The following CSGALNACT1 variants were observed in gnomAD, a reference collection of about 807,000 sequenced individuals.
The protein encoded by CSGALNACT1 is chondroitin sulfate N-acetylgalactosaminyltransferase 1, also known as beta4GalNAcT-1.
A neutral mutation model predicts 51.0 loss-of-function variants in CSGALNACT1; 52 were observed. The ratio of observed to expected loss-of-function variants is 1.02; its 90% CI spans 0.82 to 1.29. CSGALNACT1 has a LOEUF of 1.29. Among genes scored for constraint, CSGALNACT1 ranks in the 50% most tolerant of loss-of-function variants. The probability of loss-of-function intolerance (pLI) is 0.00; values close to 1 mark genes in which losing one functional copy is unlikely to be tolerated. For synonymous variants in CSGALNACT1, 341 were observed against 254.4 expected (o/e 1.34, Z -3.24); for missense variants, 935 against 679.2 (o/e 1.38, Z -4.19).
intron 8 of CSGALNACT1, among the ~76,000 whole-genome samples, chr8:19,409,070 C>T (rs1425725855): frequency 5.3e-5 from 8 of 152,134 alleles, no homozygotes; most frequent in East Asian, 1.9e-4. Flanking sequence ...CAGCGAGAAT[C>T]GGAGGCTTGG....
chr8:19,500,939 C>A (rs2076305198), intron 4 of CSGALNACT1, among the ~76,000 whole-genome samples: 1 of 152,236 alleles, frequency 6.6e-6, no homozygotes, highest in Non-Finnish European at 1.5e-5. Flanking sequence ...AATGCAGTGT[C>A]CTCCCAGGAT....
intron 4 of CSGALNACT1, among the ~76,000 whole-genome samples, chr8:19,459,586 C>A (rs1024380944): frequency 1.3e-5 from 2 of 151,982 alleles, no homozygotes; most frequent in East Asian, 3.9e-4. Context: ...AGTTTCATAT[C>A]TTCCTTCCCA....
At chr8:19,684,991 G>A (rs879261337), upstream of CSGALNACT1, among the ~76,000 whole-genome samples, 3 of 152,152 alleles carry the variant, frequency 2.0e-5, no homozygotes, top group Non-Finnish European at 4.4e-5. Context: ...CACAGATTTT[G>A]CCCTCAATCT....
At position 19,505,340 on chromosome 8, in the gene CSGALNACT1, GC is replaced by G; in HGVS notation, c.494del (p.Arg165ProfsTer8). ...TCCTCACAGGCTTCTCCTCGGGGTG[GC>G]GGGTAAGGCCAGTCTCCAGCTGGTA... On this transcript the variant is annotated frameshift_variant, in exon 4 of 10. Transcript: ENST00000454498. LOFTEE classifies it high-confidence loss of function. 6.2e-7 allele frequency: 1 copy of G among 1,614,192 alleles called. No individual in the cohort carries two copies. The highest frequency in any genetic ancestry group is 8.5e-7 in the Non-Finnish European group (1 of 1,180,026).
chr8:19,580,346 G>T (rs1168563051), intron 3 of CSGALNACT1, among the ~76,000 whole-genome samples: 1 of 152,226 alleles, frequency 6.6e-6, no homozygotes, highest in Non-Finnish European at 1.5e-5. Context: ...ACGCTAAGCT[G>T]ACTTTATGAC....
intron 6 of CSGALNACT1, among the ~76,000 whole-genome samples, chr8:19,439,432 C>T (rs569488443): frequency 6.6e-6 from 1 of 152,348 alleles, no homozygotes; most frequent in East Asian, 1.9e-4. Context: ...CACTCTTAGG[C>T]TCTGAAGCTG....
intron 1 of CSGALNACT1, among the ~76,000 whole-genome samples, chr8:19,716,612 CA>C (rs60464594): frequency 3.3e-4 from 14 of 41,988 alleles, no homozygotes; most frequent in South Asian, 1.5e-3. Context: ...ACCCTCTCTA[CA>C]AAAAAAAAAA....
At chr8:19,543,405 G>C (rs1220592929) in intron 3 of CSGALNACT1, among the ~76,000 whole-genome samples, 1 of 152,216 alleles carries the variant, frequency 6.6e-6, no homozygotes, top group African/African-American at 2.4e-5. Flanking sequence ...CTTGTAAAAA[G>C]TTCTCTATAC....
exon 10 of CSGALNACT1, chr8:19,404,430 A>AAAAAAC: frequency 2.2e-6 from 1 of 453,296 alleles, no homozygotes; most frequent in South Asian, 1.6e-5. Flanking sequence ...AACTGTATTT[A>AAAAAAC]TTTTTAAAAA....
chr8:19,505,089 C>A (rs574997181), intron 4 of CSGALNACT1, 112 bp downstream of exon 3: 2 of 1,192,274 alleles, frequency 1.7e-6, no homozygotes, highest in Admixed American at 3.4e-5. Context: ...TAAAACTTTC[C>A]GCCAGCCATC....
chr8:19,649,842 A>AAAAAAAAAAAAAAC (rs2057638529), intron 1 of CSGALNACT1, among the ~76,000 whole-genome samples: 1 of 148,950 alleles, frequency 6.7e-6, no homozygotes, highest in Non-Finnish European at 1.5e-5. Flanking sequence ...AAAAAAAAAA[A>AAAAAAAAAAAAAAC]AAACCACGGG....
chr8:19,414,033 C>T (rs2056400096), intron 8 of CSGALNACT1, among the ~76,000 whole-genome samples: 1 of 152,192 alleles, frequency 6.6e-6, no homozygotes, highest in Non-Finnish European at 1.5e-5. Context: ...CACCAGCTCA[C>T]AAGGATTGGA....
At chr8:19,468,582 G>C (rs575685663) in intron 4 of CSGALNACT1, among the ~76,000 whole-genome samples, 36 of 152,224 alleles carry the variant, frequency 2.4e-4, no homozygotes, top group African/African-American at 7.5e-4. Context: ...AAAGAACCAC[G>C]ATGGTTTAGC....
intron 4 of CSGALNACT1, among the ~76,000 whole-genome samples, chr8:19,470,219 T>A (rs11777593): frequency 0.2 from 30,362 of 151,936 alleles, 3,223 homozygotes; most frequent in African/African-American, 0.23. Flanking sequence ...AGGCTAGGGA[T>A]ACAAATAGAG....
chr8:19,453,651 C>G (rs1012301226), intron 5 of CSGALNACT1, among the ~76,000 whole-genome samples: 2 of 152,194 alleles, frequency 1.3e-5, no homozygotes, highest in Admixed American at 6.5e-5. Context: ...GTGGCTCACA[C>G]TTATAATCCC....
chr8:19,599,801 G>T (rs2050002419), intron 2 of CSGALNACT1, among the ~76,000 whole-genome samples: 1 of 152,172 alleles, frequency 6.6e-6, no homozygotes, highest in Admixed American at 6.5e-5. Context: ...ACATCCTTCA[G>T]CAGCAGAACT....
chr8:19,649,247 A>G (rs2057553937), intron 1 of CSGALNACT1, among the ~76,000 whole-genome samples: 1 of 152,194 alleles, frequency 6.6e-6, no homozygotes, highest in South Asian at 2.1e-4. Flanking sequence ...CTTCTTAGGT[A>G]TGACTACAAA....
intron 1 of CSGALNACT1, among the ~76,000 whole-genome samples, chr8:19,690,338 T>G (rs1485333236): frequency 6.6e-6 from 1 of 152,214 alleles, no homozygotes; most frequent in Admixed American, 6.5e-5. Flanking sequence ...TCCATACTAT[T>G]ATAAATTCAT....
At chr8:19,412,324 G>C (rs750818149) in intron 8 of CSGALNACT1, among the ~76,000 whole-genome samples, 1 of 152,188 alleles carries the variant, frequency 6.6e-6, no homozygotes, top group African/African-American at 2.4e-5. Context: ...CGATTCACGT[G>C]ACAGGGATGA....
Sources: gnomAD v4.1 joint callset for allele counts (sites outside exome capture counted in the v4.1 genomes callset) on GRCh38, gnomAD v4.1.1 for gene constraint, MANE v1.5 for transcripts, NCBI Gene and HGNC (gene_info 2026-07-23, HGNC 2026-07-21) for gene names.